MACF1: variants seen among roughly 807,000 people sequenced by gnomAD.
The protein encoded by MACF1 is microtubule actin crosslinking factor 1.
In MACF1, 193 loss-of-function variants were observed where a neutral mutation model predicts 854.8. The ratio of observed to expected loss-of-function variants is 0.23; its 90% CI spans 0.20 to 0.25. The LOEUF is 0.25. MACF1 is among the 10% of genes least tolerant of loss of function. The probability of loss-of-function intolerance (pLI) is 1.00; values close to 1 mark genes in which losing one functional copy is unlikely to be tolerated. For missense variants in MACF1, 7,722 were observed against 8,929.1 expected, an observed-to-expected ratio of 0.86 and a Z score of 5.45; for synonymous variants, 3,185 against 3,226.7, an observed-to-expected ratio of 0.99 and a Z score of 0.44.
At chr1:39,120,537 G>T (rs1301234637) in intron 2 of MACF1, among the ~76,000 whole-genome samples, 1 of 151,968 alleles carries the variant, frequency 6.6e-6, no homozygotes, top group Non-Finnish European at 1.5e-5. Flanking sequence ...GCTAATTTGT[G>T]TATTTTAGTA....
chr1:39,268,865 A>T (rs1377075251), intron 6 of MACF1: 1 of 1,289,506 alleles, frequency 7.8e-7, no homozygotes, highest in Non-Finnish European at 1.0e-6. Flanking sequence ...AAGGAACTGG[A>T]GTCATTGAAG....
chr1:39,331,209 A>C lies in MACF1; in HGVS notation c.4621A>C (p.Arg1541=). Residue 1541 remains arginine (R), a synonymous_variant, in exon 37 of 101, where the codon AGA becomes CGA. Coordinates refer to ENST00000564288, the MANE Select transcript of MACF1 (RefSeq NM_001394062.1). The stretch of plus-strand genomic sequence containing the variant: ...TTTTTTTTTTTTTTTTTAGGAATGC[A>C]GAGCAGTTGCTGGGGTGATTGACCT... ...LAHQTEQKEC[R]AVAGVIDLGT... 1.4e-6 allele frequency: 2 copies of C among 1,382,492 alleles called. No individual in the cohort carries two copies. The highest frequency in any genetic ancestry group is 2.8e-5 in the Admixed American group (1 of 36,292). The allele number at this position is 1,382,492 out of a possible 1,614,324, so 85.6% of individuals were successfully genotyped here.
At chr1:39,423,205 A>C (rs1330090200) in intron 60 of MACF1, among the ~76,000 whole-genome samples, 1 of 152,168 alleles carries the variant, frequency 6.6e-6, no homozygotes, top group Non-Finnish European at 1.5e-5. Context: ...GTTGTATATC[A>C]TGTACAAAGT....
At chr1:39,186,688 C>G (rs901706781) in intron 2 of MACF1, among the ~76,000 whole-genome samples, 2 of 152,070 alleles carry the variant, frequency 1.3e-5, no homozygotes, top group East Asian at 1.9e-4. Context: ...GCTCACTGCA[C>G]CCTTGAACTC....
At chr1:39,459,752 A>C in intron 91 of MACF1, 1 of 1,125,408 alleles carries the variant, frequency 8.9e-7, no homozygotes, top group Non-Finnish European at 1.2e-6. Flanking sequence ...ATATAGTACT[A>C]TGCTTCCTAG....
At chr1:39,379,658 A>C (rs1242712641) in intron 54 of MACF1, among the ~76,000 whole-genome samples, 1 of 152,250 alleles carries the variant, frequency 6.6e-6, no homozygotes, top group Non-Finnish European at 1.5e-5. Flanking sequence ...AGATTCAGAA[A>C]CAAAACCAGG....
At position 39,341,968 on chromosome 1, in the gene MACF1, G is replaced by A. The variant is rs369728077; in HGVS notation, c.10581+1015G>A. On this transcript the variant is annotated intron_variant, in intron 40 of 100. Transcript: ENST00000564288. ...TATATAGGTAAACTGCATGTCATGA[G>A]GGTTTGATATACAGATAATTTTATC... 2.6e-5 allele frequency among the ~76,000 whole-genome samples: 4 copies of A among 151,880 alleles called. No individual in the cohort carries two copies. In the East Asian group the frequency reaches 5.8e-4, roughly 22 times the overall value.
Position 39,442,326 on chromosome 1 carries a change from G to C in MACF1, c.18948+6G>C. On this transcript the variant is annotated splice_donor_region_variant and intron_variant, in intron 76 of 100. Transcript: ENST00000564288. Reference sequence around the variant, plus strand: ...AGAAAATTGCCCACCGACAGGTAAGGCAGGTGGTAGATGACATCAGTGAAC... The same window carrying C: ...AGAAAATTGCCCACCGACAGGTAAGCCAGGTGGTAGATGACATCAGTGAAC... The C allele has an allele frequency of 6.3e-7, 1 of 1,597,176 alleles. No individual in the cohort carries two copies. The highest frequency in any genetic ancestry group is 8.5e-7 in the Non-Finnish European group (1 of 1,173,358).
At chr1:39,227,189 C>T (rs749387177) in intron 1 of MACF1, among the ~76,000 whole-genome samples, 1 of 152,218 alleles carries the variant, frequency 6.6e-6, no homozygotes, top group South Asian at 2.1e-4. Flanking sequence ...GCTAGGATTA[C>T]AGGCATAAGC....
In MACF1 at chr1:39,387,507, A is replaced by G; in HGVS notation, c.14665A>G (p.Lys4889Glu). 1 of 1,614,040 alleles carries G rather than the reference A, an allele frequency of 6.2e-7. No homozygotes were observed. Among genetic ancestry groups the G allele is most frequent in the Non-Finnish European group, 8.5e-7 (1 of 1,180,022 alleles). The change falls in exon 58 of 101, where the codon AAA becomes GAA. Residue 4889 changes from lysine to glutamate, a missense_variant. Transcript: ENST00000564288. ...ELKNHWEELS[K>E]KTADRQSRLK... The stretch of plus-strand genomic sequence containing the variant: ...CAAAAACCATTGGGAAGAGCTTAGT[A>G]AAAAAACTGCAGACAGACAATCCAG...
chr1:39,114,188 T>G (rs1243225999), intron 2 of MACF1, among the ~76,000 whole-genome samples: 27 of 151,656 alleles, frequency 1.8e-4, no homozygotes, highest in East Asian at 5.8e-4. Flanking sequence ...TACTGTTTTT[T>G]TTTTTTTTTT....
At chr1:39,301,461 T>C (rs1181286652) in intron 22 of MACF1, among the ~76,000 whole-genome samples, 3 of 151,932 alleles carry the variant, frequency 2.0e-5, no homozygotes, top group Non-Finnish European at 4.4e-5. Context: ...AGTCTCGCTC[T>C]GTGGCCCAGG....
intron 6 of MACF1, 124 bp from the exon 7 acceptor site, chr1:39,282,084 G>C (rs930809362): frequency 2.4e-6 from 2 of 817,780 alleles, no homozygotes; most frequent in Non-Finnish European, 3.8e-6. Flanking sequence ...TGTTGGAATA[G>C]TCCTCTAAAG....
At position 39,460,874 on chromosome 1, in the gene MACF1, C is replaced by T. The variant is rs888529400; in HGVS notation, c.21523+80C>T. 1 of 1,522,700 alleles carries T rather than the reference C, an allele frequency of 6.6e-7. No homozygotes were observed. Among genetic ancestry groups the T allele is most frequent in the African/African-American group, 1.4e-5 (1 of 72,860 alleles). The allele number at this position is 1,522,700 out of a possible 1,614,324, so 94.3% of individuals were successfully genotyped here. Reference sequence around the variant, plus strand: ...TAGAAGCTGTGATATTCTAGCTAAACAGTCTTTCTGAAGCTGGCCAGGAGC... The same window carrying T: ...TAGAAGCTGTGATATTCTAGCTAAATAGTCTTTCTGAAGCTGGCCAGGAGC... On this transcript the variant is annotated intron_variant, in intron 92 of 100. Coordinates refer to ENST00000564288, the MANE Select transcript of MACF1 (RefSeq NM_001394062.1). This position sits in a 1 kb window ranked among gnomAD's most constrained non-coding sequence, Gnocchi z 4.1.
chr1:39,174,996 C>A (rs933854831), intron 2 of MACF1, among the ~76,000 whole-genome samples: 5 of 152,246 alleles, frequency 3.3e-5, no homozygotes, highest in Middle Eastern at 3.4e-3. Context: ...TAAACTGCTA[C>A]CTTCTTCCCC....
chr1:39,218,817 G>C (rs1278042414), intron 1 of MACF1, among the ~76,000 whole-genome samples: 1 of 152,168 alleles, frequency 6.6e-6, no homozygotes, highest in African/African-American at 2.4e-5. Flanking sequence ...GCTTTGCTCT[G>C]TTGTCCAGGC....
chr1:39,460,602 A>G lies in MACF1; in HGVS notation c.21361-30A>G. ...CAGCTTTTGAGGGCCCAAAAAATAAATCTTATTGACACTTCTGATTTCTGT... is the reference window on the plus strand; with the variant it reads ...CAGCTTTTGAGGGCCCAAAAAATAAGTCTTATTGACACTTCTGATTTCTGT... On this transcript the variant is annotated intron_variant, in intron 91 of 100. Transcript: ENST00000564288. The surrounding 1 kb of genome is among the most constrained non-coding windows in gnomAD (Gnocchi z 4.1). 1 of 1,611,496 alleles carries G rather than the reference A, an allele frequency of 6.2e-7. No homozygotes were observed. Among genetic ancestry groups the G allele is most frequent in the Non-Finnish European group, 8.5e-7 (1 of 1,177,850 alleles).
chr1:39,213,100 T>C (rs991563698), intron 1 of MACF1, among the ~76,000 whole-genome samples: 5 of 152,252 alleles, frequency 3.3e-5, no homozygotes, highest in Non-Finnish European at 7.3e-5. Context: ...GGTCAAGTTA[T>C]TTAACCTTTT....
At chr1:39,475,591 G>A (rs1325087263) in intron 97 of MACF1, among the ~76,000 whole-genome samples, 1 of 152,114 alleles carries the variant, frequency 6.6e-6, no homozygotes, top group African/African-American at 2.4e-5. Flanking sequence ...GGGAGGAGGT[G>A]CTCCATGAAA....
Sources: allele counts gnomAD v4.1 joint callset (sites outside exome capture counted in the v4.1 genomes callset), GRCh38; gene constraint gnomAD v4.1.1; non-coding constraint Gnocchi (gnomAD v3.1); transcripts MANE v1.5; gene names NCBI Gene and HGNC (gene_info 2026-07-23, HGNC 2026-07-21).